The following SNTB1 variants were observed in gnomAD, a reference collection of about 807,000 sequenced individuals.
SNTB1 encodes the protein beta-1-syntrophin.
Under a neutral mutation model 48.9 loss-of-function variants are expected in SNTB1, and 36 were observed. The observed-to-expected ratio is 0.74, with a 90% CI of 0.56 to 0.97. The LOEUF (loss-of-function observed/expected upper bound fraction) is 0.97. SNTB1 is among the 50% of genes least tolerant of loss of function. SNTB1 has a pLI of 0.00. For synonymous variants in SNTB1, 299 were observed against 294.6 expected (o/e 1.01, Z -0.15); for missense variants, 786 against 703.4 (o/e 1.12, Z -1.33).
At chr8:120,729,271 A>T (rs1818813810) in intron 1 of SNTB1, among the ~76,000 whole-genome samples, 1 of 152,236 alleles carries the variant, frequency 6.6e-6, no homozygotes, top group Non-Finnish European at 1.5e-5. Flanking sequence ...GGCGTGAGCC[A>T]CTGCACCTGG....
chr8:120,735,596 C>T (rs1448367088), intron 1 of SNTB1, among the ~76,000 whole-genome samples: 1 of 152,142 alleles, frequency 6.6e-6, no homozygotes, highest in Admixed American at 6.5e-5. Context: ...TATATGTACA[C>T]AGAGAAAGGC....
intron 1 of SNTB1, among the ~76,000 whole-genome samples, chr8:120,694,897 TCTTAAGAAAACAAAAATAA>T (rs1219789791): frequency 2.0e-5 from 3 of 152,146 alleles, no homozygotes; most frequent in Admixed American, 6.5e-5. Context: ...CTTTTATAAA[TCTTAAGAAAACAAAAATAA>T]CTTAAGAAAA....
At chr8:120,755,698 T>C (rs547121201) in intron 1 of SNTB1, among the ~76,000 whole-genome samples, 2 of 152,206 alleles carry the variant, frequency 1.3e-5, no homozygotes, top group East Asian at 3.9e-4. Flanking sequence ...CTATGCCAAA[T>C]GCATTTTCTC....
chr8:120,605,814 T>C (rs1014821682), intron 3 of SNTB1, among the ~76,000 whole-genome samples: 3 of 152,152 alleles, frequency 2.0e-5, no homozygotes, highest in Non-Finnish European at 4.4e-5. Context: ...CCATGGCCTG[T>C]GGTGTCAGCC....
chr8:120,543,361 G>A (rs945331349), intron 5 of SNTB1, among the ~76,000 whole-genome samples: 6 of 152,188 alleles, frequency 3.9e-5, no homozygotes, highest in African/African-American at 9.6e-5. Flanking sequence ...GCTGGGGATG[G>A]GGCTTGGAGG....
intron 4 of SNTB1, chr8:120,570,771 G>C: frequency 6.4e-6 from 1 of 156,564 alleles, no homozygotes; most frequent in Non-Finnish European, 1.4e-5. Context: ...CAGTGCACGA[G>C]CTCTGTGCTT....
intron 2 of SNTB1, among the ~76,000 whole-genome samples, chr8:120,652,307 T>C (rs2129719797): frequency 6.6e-6 from 1 of 152,286 alleles, no homozygotes; most frequent in Middle Eastern, 3.4e-3. Context: ...TGTGAAACAA[T>C]TTGGACCAAA....
At chr8:120,758,000 T>C (rs1427692692) in intron 1 of SNTB1, among the ~76,000 whole-genome samples, 1 of 152,118 alleles carries the variant, frequency 6.6e-6, no homozygotes, top group Non-Finnish European at 1.5e-5. Flanking sequence ...CCAGGAACCA[T>C]GCTAAATGCA....
chr8:120,548,611 A>G (rs1815422833), intron 5 of SNTB1, 151 bp downstream of exon 5: 2 of 671,164 alleles, frequency 3.0e-6, no homozygotes, highest in East Asian at 5.4e-5. Context: ...AGTAGGGTAT[A>G]GACCTCCTTA....
At chr8:120,606,586 G>A (rs185715892) in intron 3 of SNTB1, among the ~76,000 whole-genome samples, 1 of 152,060 alleles carries the variant, frequency 6.6e-6, no homozygotes, top group Non-Finnish European at 1.5e-5. Flanking sequence ...AACCAAAAGT[G>A]GATAAAATTT....
chr8:120,808,854 C>A (rs1371678825), intron 1 of SNTB1, among the ~76,000 whole-genome samples: 1 of 152,110 alleles, frequency 6.6e-6, no homozygotes, highest in African/African-American at 2.4e-5. Flanking sequence ...CTAAACTAAT[C>A]TCCATTTACT....
At chr8:120,801,660 T>C (rs1485928952) in intron 1 of SNTB1, among the ~76,000 whole-genome samples, 2 of 152,144 alleles carry the variant, frequency 1.3e-5, no homozygotes. Flanking sequence ...TTTCATATTT[T>C]ATCATCTCTG....
chr8:120,723,706 G>A (rs927850605), intron 1 of SNTB1, among the ~76,000 whole-genome samples: 3 of 152,102 alleles, frequency 2.0e-5, no homozygotes, highest in South Asian at 2.1e-4. Flanking sequence ...ATATCCCTGG[G>A]CATACTTGAC....
intron 1 of SNTB1, among the ~76,000 whole-genome samples, chr8:120,789,787 C>T (rs943365329): frequency 6.6e-6 from 1 of 151,982 alleles, no homozygotes; most frequent in African/African-American, 2.4e-5. Flanking sequence ...GACAGATTCT[C>T]AGCCAAATTC....
intron 2 of SNTB1, among the ~76,000 whole-genome samples, chr8:120,673,298 T>A (rs144095156): frequency 1.3e-5 from 2 of 151,748 alleles, no homozygotes; most frequent in Non-Finnish European, 2.9e-5. Context: ...TTCTTTCTTT[T>A]TTTTTTTTTT....
intron 2 of SNTB1, among the ~76,000 whole-genome samples, chr8:120,659,113 G>A (rs1020268174): frequency 9.2e-5 from 14 of 152,094 alleles, no homozygotes; most frequent in South Asian, 2.1e-4. Context: ...ATAGGCGCAC[G>A]CCACCATGTC....
At chr8:120,697,681 T>C (rs1159743108) in intron 1 of SNTB1, among the ~76,000 whole-genome samples, 1 of 152,146 alleles carries the variant, frequency 6.6e-6, no homozygotes, top group Non-Finnish European at 1.5e-5. Flanking sequence ...TCAAAGGAAA[T>C]GTTGCATACA....
intron 3 of SNTB1, among the ~76,000 whole-genome samples, chr8:120,607,035 G>A (rs1409248725): frequency 3.3e-5 from 5 of 152,104 alleles, no homozygotes; most frequent in African/African-American, 7.2e-5. Context: ...AAAGCCAAGA[G>A]AGGCAGTTGG....
rs147523316 is a variant in SNTB1, at chr8:120,670,902, G to T, written c.788+22790C>A. 1.6e-4 allele frequency among the ~76,000 whole-genome samples: 24 copies of T among 152,300 alleles called. 1 individual carries two copies. Among genetic ancestry groups the T allele is most frequent in the Admixed American group, 8.5e-4 (13 of 15,302 alleles). On this transcript the variant is annotated intron_variant, in intron 2 of 6. Transcript: ENST00000517992. Reference sequence around the variant, plus strand: ...GTTACTACCATTCTATGAATTAAAAGACTGAAGCCCAGAGACATTAGGTAA... The same window carrying T: ...GTTACTACCATTCTATGAATTAAAATACTGAAGCCCAGAGACATTAGGTAA...
Sources: allele counts gnomAD v4.1 joint callset (sites outside exome capture counted in the v4.1 genomes callset), GRCh38; gene constraint gnomAD v4.1.1; transcripts MANE v1.5; gene names NCBI Gene and HGNC (gene_info 2026-07-23, HGNC 2026-07-21).